The following B4GALT5 variants were observed in gnomAD, a reference collection of about 807,000 sequenced individuals.
The protein encoded by B4GALT5 is UDP-Gal:beta-GlcNAc beta-1,4-galactosyltransferase 5.
A neutral mutation model predicts 45.0 loss-of-function variants in B4GALT5; 11 were observed. That is an observed-to-expected ratio of 0.24 (90% CI 0.15 to 0.40). B4GALT5 has a LOEUF of 0.40. B4GALT5 is among the 10% of genes least tolerant of loss of function. The pLI is 1.00. For missense variants in B4GALT5, 337 were observed against 500.2 expected (o/e 0.67, Z 3.11); for synonymous variants, 185 against 182.9 (o/e 1.01, Z -0.09).
chr20:49,647,866 C>T (rs945454059), intron 2 of B4GALT5, among the ~76,000 whole-genome samples: 2 of 151,972 alleles, frequency 1.3e-5, no homozygotes, highest in African/African-American at 4.8e-5. Context: ...GTGATGATTC[C>T]TCCCTTCTGT....
intron 1 of B4GALT5, among the ~76,000 whole-genome samples, chr20:49,662,271 A>AAC (rs978057389): frequency 2.0e-5 from 3 of 152,070 alleles, no homozygotes; most frequent in Non-Finnish European, 4.4e-5. Flanking sequence ...GCAAACATAC[A>AAC]ACACACACAC....
At chr20:49,659,383 T>A (rs1457538319) in intron 1 of B4GALT5, among the ~76,000 whole-genome samples, 2 of 152,216 alleles carry the variant, frequency 1.3e-5, no homozygotes, top group Admixed American at 1.3e-4. Flanking sequence ...AAGCTTTCAG[T>A]ACCGTGTCAG....
chr20:49,636,936 A>ACACACACACAC (rs1568713570), intron 8 of B4GALT5, among the ~76,000 whole-genome samples: 1 of 151,578 alleles, frequency 6.6e-6, no homozygotes, highest in Non-Finnish European at 1.5e-5. Flanking sequence ...ACACACACAC[A>ACACACACACAC]AAGAAAGAAA....
intron 1 of B4GALT5, among the ~76,000 whole-genome samples, chr20:49,675,043 T>C (rs1308914853): frequency 6.6e-6 from 1 of 151,936 alleles, no homozygotes; most frequent in African/African-American, 2.4e-5. Flanking sequence ...AAATAATCTA[T>C]CACAACAAAA....
At position 49,690,559 on chromosome 20, in the gene B4GALT5, A is replaced by AG. The variant is rs1175050307; in HGVS notation, c.115+23016_115+23017insC. On this transcript the variant is annotated intron_variant, in intron 1 of 8. Coordinates refer to ENST00000371711, the MANE Select transcript of B4GALT5 (RefSeq NM_004776.4). Reference sequence around the variant, plus strand: ...AGTGAAACTCTAACTCAAAAAAAAAAAGGGGGGGGTGACAATTATATTTTA... The same window carrying AG: ...AGTGAAACTCTAACTCAAAAAAAAAAGAGGGGGGGGTGACAATTATATTTTA... Among the ~76,000 whole-genome samples the AG allele has an allele frequency of 8.6e-5, 13 of 151,606 alleles. No individual in the cohort carries two copies. In the South Asian group the frequency reaches 1.1e-3, roughly 12 times the overall value.
intron 2 of B4GALT5, among the ~76,000 whole-genome samples, chr20:49,649,069 C>T (rs905641655): frequency 2.0e-5 from 3 of 152,164 alleles, no homozygotes; most frequent in Admixed American, 2.0e-4. Context: ...AAATGGCTAA[C>T]ACATTGAATC....
At position 49,713,739 on chromosome 20, in the gene B4GALT5, G is replaced by T; in HGVS notation, c.-49C>A. ...GAGCCAGGCCGGGCCTGCTCCCGCAGCTCCCCGTCCGCCGCCTCCTGGGCC... is the reference window on the plus strand; with the variant it reads ...GAGCCAGGCCGGGCCTGCTCCCGCATCTCCCCGTCCGCCGCCTCCTGGGCC... On this transcript the variant is annotated 5_prime_UTR_variant, in exon 1 of 9. In the 5' UTR this introduces an upstream ATG that the reference lacks. Coordinates refer to ENST00000371711, the MANE Select transcript of B4GALT5 (RefSeq NM_004776.4). The T allele has an allele frequency of 1.4e-6, 1 of 724,588 alleles. No individual in the cohort carries two copies. The highest frequency in any genetic ancestry group is 1.9e-6 in the Non-Finnish European group (1 of 532,786). The allele number at this position is 724,588 out of a possible 1,614,324, so 44.9% of individuals were successfully genotyped here.
chr20:49,700,437 AG>A (rs2085857000), intron 1 of B4GALT5, among the ~76,000 whole-genome samples: 1 of 152,216 alleles, frequency 6.6e-6, no homozygotes, highest in African/African-American at 2.4e-5. Flanking sequence ...CTGGGGCTAC[AG>A]GCATGTGCCA....
At chr20:49,674,941 T>C (rs1409111591) in intron 1 of B4GALT5, among the ~76,000 whole-genome samples, 1 of 152,228 alleles carries the variant, frequency 6.6e-6, no homozygotes, top group African/African-American at 2.4e-5. Context: ...GACAGTTCTC[T>C]GGAACCTGCT....
At chr20:49,655,148 A>T (rs1053395469) in intron 2 of B4GALT5, among the ~76,000 whole-genome samples, 2 of 151,766 alleles carry the variant, frequency 1.3e-5, no homozygotes, top group Non-Finnish European at 2.9e-5. Context: ...TAAAAAAAAA[A>T]GCTCGGGCAC....
intron 1 of B4GALT5, among the ~76,000 whole-genome samples, chr20:49,678,576 C>A (rs1164408026): frequency 6.6e-6 from 1 of 152,162 alleles, no homozygotes; most frequent in Non-Finnish European, 1.5e-5. Flanking sequence ...CCTACTAATG[C>A]ATAAAATACA....
chr20:49,656,166 T>C (rs1442441467), intron 2 of B4GALT5, among the ~76,000 whole-genome samples: 2 of 152,120 alleles, frequency 1.3e-5, no homozygotes, highest in African/African-American at 2.4e-5. Context: ...AGCCTGGCCC[T>C]GCCCTCCTCT....
At chr20:49,636,690 C>T (rs72626549) in intron 8 of B4GALT5, among the ~76,000 whole-genome samples, 2,442 of 152,200 alleles carry the variant, frequency 0.016, 39 homozygotes, top group East Asian at 0.083. Context: ...TTAATGCTCA[C>T]GCCAGCCCCT....
intron 1 of B4GALT5, among the ~76,000 whole-genome samples, chr20:49,663,454 A>AC: frequency 6.8e-6 from 1 of 147,612 alleles, no homozygotes; most frequent in African/African-American, 2.5e-5. Flanking sequence ...AAAAAAAAAA[A>AC]CATAGGAAGA....
intron 1 of B4GALT5, among the ~76,000 whole-genome samples, chr20:49,680,788 C>T (rs537395172): frequency 6.7e-6 from 1 of 148,510 alleles, no homozygotes; most frequent in South Asian, 2.1e-4. Context: ...TTAAATGGTA[C>T]TTTTTTTTTT....
intron 5 of B4GALT5, among the ~76,000 whole-genome samples, chr20:49,641,093 C>T (rs562277677): frequency 2.6e-5 from 4 of 151,470 alleles, no homozygotes; most frequent in South Asian, 2.1e-4. Flanking sequence ...CCAGTTTGGG[C>T]GACAGAGCAA....
intron 2 of B4GALT5, among the ~76,000 whole-genome samples, chr20:49,647,462 A>G (rs2085603870): frequency 6.6e-6 from 1 of 152,074 alleles, no homozygotes; most frequent in South Asian, 2.1e-4. Flanking sequence ...GTCAGCCTCT[A>G]CGGCTGGTCG....
intron 3 of B4GALT5, among the ~76,000 whole-genome samples, chr20:49,644,649 C>T (rs982166237): frequency 6.6e-6 from 1 of 152,168 alleles, no homozygotes; most frequent in Non-Finnish European, 1.5e-5. Context: ...TTCTGATACA[C>T]AAATCTCAGC....
intron 1 of B4GALT5, among the ~76,000 whole-genome samples, chr20:49,671,429 T>C (rs569541162): frequency 6.3e-4 from 96 of 152,326 alleles, no homozygotes; most frequent in African/African-American, 2.2e-3. Context: ...TAATTTACGC[T>C]AGGAGCAGTA....
Sources: gnomAD v4.1 joint callset for allele counts (sites outside exome capture counted in the v4.1 genomes callset) on GRCh38, gnomAD v4.1.1 for gene constraint, MANE v1.5 for transcripts, NCBI Gene and HGNC (gene_info 2026-07-23, HGNC 2026-07-21) for gene names.